Variants in GPRASP2 observed in about 807,000 individuals in gnomAD.
GPRASP2 encodes G protein-coupled receptor-associated sorting protein 2.
In GPRASP2, 10 loss-of-function variants were observed where a neutral mutation model predicts 36.0. The observed-to-expected ratio is 0.28, with a 90% CI of 0.17 to 0.47. The LOEUF (loss-of-function observed/expected upper bound fraction) is 0.47, where lower values mean the gene tolerates loss of function less well. Ranked by LOEUF, GPRASP2 falls within the 20% of genes least tolerant of loss-of-function variation. GPRASP2 has a pLI of 0.99. For synonymous variants in GPRASP2, 219 were observed against 230.5 expected (o/e 0.95, Z 0.45); for missense variants, 538 against 626.7 (o/e 0.86, Z 1.51).
chrX:102,716,248 G>A lies in GPRASP2; in HGVS notation c.1379G>A (p.Cys460Tyr). 1.7e-6 allele frequency: 2 copies of A among 1,212,124 alleles called. No individual in the cohort carries two copies. Among genetic ancestry groups the A allele is most frequent in the Non-Finnish European group, 2.2e-6 (2 of 895,646 alleles). Residue 460 changes from cysteine (C) to tyrosine (Y), a missense_variant, in exon 5 of 5, where the codon TGC (cysteine) becomes TAC (tyrosine). Physicochemically the swap from Cys to Tyr is radical, Grantham distance 194 (BLOSUM62 -2). Around this residue, in one of 2 missense-constraint regions of GPRASP2, gnomAD observed 262 missense variants for 351.7 expected, o/e 0.74. Transcript: ENST00000483720. ...TGGTTCTGGGACAGAGATGAGGCCT[G>A]CTTTGACCTAAATCCCTGTCCTGTG... ...GSWFWDRDEA[C>Y]FDLNPCPVYK... is the part of the protein sequence containing the mutation.
rs1294878288 is a variant in GPRASP2, at chrX:102,716,518, G to C, written c.1649G>C (p.Ser550Thr). 1 of 1,210,476 alleles carries C rather than the reference G, an allele frequency of 8.3e-7. No homozygotes were observed. The highest frequency in any genetic ancestry group is 1.7e-5 in the African/African-American group (1 of 57,258). The change falls in exon 5 of 5, where the codon AGT (serine) becomes ACT (threonine). Residue 550 changes from serine to threonine, a missense_variant. Physicochemically the swap from Ser to Thr is moderately conservative, Grantham distance 58. Around this residue, in one of 2 missense-constraint regions of GPRASP2, gnomAD observed 262 missense variants for 351.7 expected, o/e 0.74. Coordinates refer to ENST00000483720, the MANE Select transcript of GPRASP2 (RefSeq NM_001004051.4). ...TCTTTGCTTCAGCCTGATCAGCCTA[G>C]TCCTGAGTTCACATTTCAGTATGAT... The part of the protein sequence containing the change: ...QESLLQPDQP[S>T]PEFTFQYDPS...
rs200058769 is a variant in GPRASP2 at position 102,715,310 on chromosome X, G to T, written c.441G>T (p.Gln147His). Residue 147 changes from glutamine (Q) to histidine (H), a missense_variant, in exon 5 of 5, where the codon CAG (glutamine) becomes CAT (histidine). Around this residue, in one of 2 missense-constraint regions of GPRASP2, gnomAD observed 276 missense variants for 275.0 expected, o/e 1.00. Transcript: ENST00000483720. ...TGTCACAGGCAGAAGGAGTGTCCCA[G>T]ACTAATGCCGTTGCTTGGCCACTGG... ...EAVSQAEGVS[Q>H]TNAVAWPLAT... is the part of the protein sequence containing the mutation. 92 of 1,211,615 alleles carry T rather than the reference G, an allele frequency of 7.6e-5. 1 individual carries two copies. In the East Asian group the frequency reaches 2.0e-3, roughly 26 times the overall value.
chrX:102,717,326 T>TA lies in GPRASP2; in HGVS notation c.2459dup (p.Gln821AlafsTer11). ...CATTTCGTGAATTTGAGGAGTTAGC[T>TA]AAGCAACTACAAGCCCAAATAGACA... On this transcript the variant is annotated frameshift_variant, in exon 5 of 5. Transcript: ENST00000483720. LOFTEE classifies it high-confidence loss of function. 4.6e-6 allele frequency: 5 copies of TA among 1,096,541 alleles called. No individual in the cohort carries two copies. Among genetic ancestry groups the TA allele is most frequent in the Non-Finnish European group, 6.0e-6 (5 of 838,632 alleles). 90.4% of individuals were successfully genotyped at this position (1,096,541 alleles called of 1,213,427 possible). A position where few individuals can be genotyped will look rare whatever the true frequency, so the allele number is the denominator to read the frequency against.
Position 102,715,983 on chromosome X carries a change from A to G in GPRASP2, c.1114A>G (p.Ser372Gly). Residue 372 changes from serine (S) to glycine (G), a missense_variant, in exon 5 of 5, where the codon AGT (serine) becomes GGT (glycine). Around this residue, in one of 2 missense-constraint regions of GPRASP2, gnomAD observed 276 missense variants for 275.0 expected, o/e 1.00. Coordinates refer to ENST00000483720, the MANE Select transcript of GPRASP2 (RefSeq NM_001004051.4). ...LKLRAQKDVD[S>G]DRVKQEPRFE... ...ACTCAGGGCCCAGAAAGATGTTGAC[A>G]GTGATAGGGTCAAACAAGAACCCAG... 8.3e-7 allele frequency: 1 copy of G among 1,210,685 alleles called. No homozygotes were observed. The highest frequency in any genetic ancestry group is 1.1e-6 in the Non-Finnish European group (1 of 895,235).
rs1361338709 is a variant in GPRASP2, at chrX:102,713,276, G to A, written c.-480+59G>A. On this transcript the variant is annotated intron_variant, in intron 2 of 4. Coordinates refer to ENST00000483720, the MANE Select transcript of GPRASP2 (RefSeq NM_001004051.4). Reference sequence around the variant, plus strand: ...GATTGGGGACCCGAATCGGGGTAGGGGACTGTGACCAGAGCAAGTCAGGCA... The same window carrying A: ...GATTGGGGACCCGAATCGGGGTAGGAGACTGTGACCAGAGCAAGTCAGGCA... 3 of 111,800 alleles carry A rather than the reference G, an allele frequency of 2.7e-5. No individual in the cohort carries two copies. The East Asian group carries it at 8.5e-4, about 32-fold the overall frequency. 9.2% of individuals were successfully genotyped at this position (111,800 alleles called of 1,213,427 possible). A position where few individuals can be genotyped will look rare whatever the true frequency, so the allele number is the denominator to read the frequency against.
rs752067000 is a variant in GPRASP2 at position 102,714,682 on chromosome X, T to C, written c.-188T>C. 3.8e-5 allele frequency: 24 copies of C among 631,865 alleles called. No individual in the cohort carries two copies. The South Asian group carries it at 7.4e-4, about 19-fold the overall frequency. The allele number at this position is 631,865 out of a possible 1,213,427, so 52.1% of individuals were successfully genotyped here. ...CTATCTGTATTATTGAATTATTGACTGAGACTGTGTTTGGGAAGGAGGCTG... is the reference window on the plus strand; with the variant it reads ...CTATCTGTATTATTGAATTATTGACCGAGACTGTGTTTGGGAAGGAGGCTG... On this transcript the variant is annotated 5_prime_UTR_variant, in exon 5 of 5. Transcript: ENST00000483720.
rs1346920253 is a variant in GPRASP2 at position 102,715,373 on chromosome X, C to T, written c.504C>T (p.Gly168=). The change falls in exon 5 of 5, where the codon GGC becomes GGT. Residue 168 remains glycine (G), a synonymous_variant. Transcript: ENST00000483720. ...CTGGATCAGTTACTAAATCTAAGGGCCTGTCTATGGATAGAGAACTAGTCA... is the reference window on the plus strand; with the variant it reads ...CTGGATCAGTTACTAAATCTAAGGGTCTGTCTATGGATAGAGAACTAGTCA... ...AESGSVTKSK[G]LSMDRELVNV... The T allele has an allele frequency of 2.7e-5, 33 of 1,211,083 alleles. No individual in the cohort carries two copies. Among genetic ancestry groups the T allele is most frequent in the Non-Finnish European group, 3.7e-5 (33 of 895,485 alleles).
Position 102,713,144 on chromosome X carries a change from G to C in GPRASP2, c.-553G>C, listed in dbSNP as rs1421024837. 8.9e-6 allele frequency: 1 copy of C among 112,767 alleles called. No individual in the cohort carries two copies. Among genetic ancestry groups the C allele is most frequent in the Admixed American group, 9.3e-5 (1 of 10,796 alleles). 9.3% of individuals were successfully genotyped at this position (112,767 alleles called of 1,213,427 possible). A position where few individuals can be genotyped will look rare whatever the true frequency, so the allele number is the denominator to read the frequency against. ...CTGTGCGGTAGGTCTGGCGTATTCT[G>C]ACAGGACACAGTGAGCGTCTGTAGA... On this transcript the variant is annotated 5_prime_UTR_variant, in exon 2 of 5. Transcript: ENST00000483720.
Position 102,715,642 on chromosome X carries a change from A to G in GPRASP2, c.773A>G (p.His258Arg), listed in dbSNP as rs781145399. ...PREESNTRSR[H>R]RAKHQTNPRS... ...GAAGAGTCCAATACCAGGTCCAGGC[A>G]CAGGGCTAAACATCAGACTAATCCC... The change falls in exon 5 of 5, where the codon CAC becomes CGC. Residue 258 changes from histidine (H) to arginine (R), a missense_variant. His to Arg is a conservative substitution (Grantham distance 29, BLOSUM62 0). Coordinates refer to ENST00000483720, the MANE Select transcript of GPRASP2 (RefSeq NM_001004051.4). 1 of 1,209,713 alleles carries G rather than the reference A, an allele frequency of 8.3e-7. No individual in the cohort carries two copies. Among genetic ancestry groups the G allele is most frequent in the African/African-American group, 1.8e-5 (1 of 57,076 alleles).
At position 102,715,906 on chromosome X, in the gene GPRASP2, C is replaced by T; in HGVS notation, c.1037C>T (p.Ala346Val). ...KQSWVLPGEE[A>V]NSRFRHRDKE... ...TCCTGGGTTTTGCCTGGAGAAGAGGCCAATAGTAGATTCAGGCACAGAGAC... is the reference window on the plus strand; with the variant it reads ...TCCTGGGTTTTGCCTGGAGAAGAGGTCAATAGTAGATTCAGGCACAGAGAC... The change falls in exon 5 of 5, where the codon GCC (alanine) becomes GTC (valine). Residue 346 changes from alanine (A) to valine (V), a missense_variant. By Grantham distance (64) the Ala-to-Val change is moderately conservative. Around this residue, in one of 2 missense-constraint regions of GPRASP2, gnomAD observed 276 missense variants for 275.0 expected, o/e 1.00. Coordinates refer to ENST00000483720, the MANE Select transcript of GPRASP2 (RefSeq NM_001004051.4). The T allele has an allele frequency of 8.3e-7, 1 of 1,211,533 alleles. No homozygotes were observed. The highest frequency in any genetic ancestry group is 1.1e-6 in the Non-Finnish European group (1 of 895,478).
Position 102,715,012 on chromosome X carries a change from C to T in GPRASP2, c.143C>T (p.Ala48Val). The T allele has an allele frequency of 8.2e-7, 1 of 1,212,482 alleles. No individual in the cohort carries two copies. Among genetic ancestry groups the T allele is most frequent in the Non-Finnish European group, 1.1e-6 (1 of 895,675 alleles). The change falls in exon 5 of 5, where the codon GCA (alanine) becomes GTA (valine). Residue 48 changes from alanine to valine, a missense_variant. Around this residue, in one of 2 missense-constraint regions of GPRASP2, gnomAD observed 276 missense variants for 275.0 expected, o/e 1.00. Coordinates refer to ENST00000483720, the MANE Select transcript of GPRASP2 (RefSeq NM_001004051.4). ...GTTAGGACCCAGGCAACTACTGGGGCAAGGCCCAAAACTGAGACCAAGTCT... is the reference window on the plus strand; with the variant it reads ...GTTAGGACCCAGGCAACTACTGGGGTAAGGCCCAAAACTGAGACCAAGTCT... The part of the protein sequence containing the change: ...PKVRTQATTG[A>V]RPKTETKSVP...
rs1283396254 is a variant in GPRASP2 at position 102,717,269 on chromosome X, T to C, written c.2400T>C (p.Asp800=). 2 of 1,100,658 alleles carry C rather than the reference T, an allele frequency of 1.8e-6. No homozygotes were observed. The highest frequency in any genetic ancestry group is 2.4e-6 in the Non-Finnish European group (2 of 841,554). 90.7% of individuals were successfully genotyped at this position (1,100,658 alleles called of 1,213,427 possible). A position where few individuals can be genotyped will look rare whatever the true frequency, so the allele number is the denominator to read the frequency against. The change falls in exon 5 of 5, where the codon GAT becomes GAC. Residue 800 remains aspartate, a synonymous_variant. Transcript: ENST00000483720. ...IIKSGKMSLI[D]DDFSLEPLIS... ...AAAGTGGAAAGATGTCCTTAATTGA[T>C]GATGATTTCAGTCTTGAGCCGCTTA...
Position 102,715,331 on chromosome X carries a change from A to C in GPRASP2, c.462A>C (p.Pro154=). Residue 154 remains proline, a synonymous_variant, in exon 5 of 5, where the codon CCA becomes CCC. Transcript: ENST00000483720. ...CCCAGACTAATGCCGTTGCTTGGCC[A>C]CTGGCCACTGCTGAGTCTGGATCAG... ...GVSQTNAVAW[P]LATAESGSVT... is the part of the protein sequence containing the mutation. 8.2e-7 allele frequency: 1 copy of C among 1,212,399 alleles called. No homozygotes were observed. The highest frequency in any genetic ancestry group is 1.1e-6 in the Non-Finnish European group (1 of 895,638).
intron 1 of GPRASP2, among the ~76,000 whole-genome samples, chrX:102,712,797 G>A (rs1307503850): frequency 5.3e-5 from 6 of 112,948 alleles, no homozygotes; most frequent in African/African-American, 1.9e-4. Context: ...GTTTGGAGGA[G>A]AACCGCGCTG....
In GPRASP2 at chrX:102,716,101, C is replaced by T. The variant is rs995022893; in HGVS notation, c.1232C>T (p.Pro411Leu). 24 of 1,190,948 alleles carry T rather than the reference C, an allele frequency of 2.0e-5. No individual in the cohort carries two copies. Among genetic ancestry groups the T allele is most frequent in the Middle Eastern group, 2.4e-4 (1 of 4,243 alleles). ...GCTTCAGCAATCTGTGAATCTGAGC[C>T]AGGAACTGAGGAGGGGGCCATTGGC... is the stretch of plus-strand genomic sequence containing the variant. The part of the protein sequence containing the change: ...GGASAICESE[P>L]GTEEGAIGGS... The change falls in exon 5 of 5, where the codon CCA (proline) becomes CTA (leucine). Residue 411 changes from proline to leucine, a missense_variant. Pro to Leu is a moderately conservative substitution (Grantham distance 98). Coordinates refer to ENST00000483720, the MANE Select transcript of GPRASP2 (RefSeq NM_001004051.4).
Position 102,717,482 on chromosome X carries a change from A to G in GPRASP2, c.*96A>G. On this transcript the variant is annotated 3_prime_UTR_variant, in exon 5 of 5. Transcript: ENST00000483720. ...AGTCTGTTTTTTTGTTGTAACTTATATTTTTTAATGCTGATGTTAACTTTG... is the reference window on the plus strand; with the variant it reads ...AGTCTGTTTTTTTGTTGTAACTTATGTTTTTTAATGCTGATGTTAACTTTG... The G allele has an allele frequency of 3.1e-6, 3 of 969,920 alleles. No homozygotes were observed. Among genetic ancestry groups the G allele is most frequent in the Non-Finnish European group, 3.9e-6 (3 of 761,570 alleles). The allele number at this position is 969,920 out of a possible 1,213,427, so 79.9% of individuals were successfully genotyped here.
At position 102,715,624 on chromosome X, in the gene GPRASP2, C is replaced by T. The variant is rs1027760422; in HGVS notation, c.755C>T (p.Ser252Phe). Residue 252 changes from serine (S) to phenylalanine (F), a missense_variant, in exon 5 of 5, where the codon TCC (serine) becomes TTC (phenylalanine). This residue lies in a region of GPRASP2 where 276 missense variants were observed against 275.0 expected (regional missense o/e 1.00). Coordinates refer to ENST00000483720, the MANE Select transcript of GPRASP2 (RefSeq NM_001004051.4). Reference sequence around the variant, plus strand: ...GTCAGATCATGGCCCAGGGAAGAGTCCAATACCAGGTCCAGGCACAGGGCT... The same window carrying T: ...GTCAGATCATGGCCCAGGGAAGAGTTCAATACCAGGTCCAGGCACAGGGCT... ...TSVRSWPREE[S>F]NTRSRHRAKH... 2.5e-6 allele frequency: 3 copies of T among 1,211,558 alleles called. No individual in the cohort carries two copies. Among genetic ancestry groups the T allele is most frequent in the Admixed American group, 4.3e-5 (2 of 45,990 alleles).
At position 102,717,609 on chromosome X, in the gene GPRASP2, T is replaced by G. The variant is rs2081982927; in HGVS notation, c.*223T>G. On this transcript the variant is annotated 3_prime_UTR_variant, in exon 5 of 5. Transcript: ENST00000483720. The stretch of plus-strand genomic sequence containing the variant: ...TTGTCTTGCTGTCCAGATTGCGGTA[T>G]TTTTCAGTATTAAGTTTTCAATGAA... 4 of 440,976 alleles carry G rather than the reference T, an allele frequency of 9.1e-6. No individual in the cohort carries two copies. The East Asian group carries it at 1.6e-4, about 17-fold the overall frequency. 36.3% of individuals were successfully genotyped at this position (440,976 alleles called of 1,213,427 possible). A position where few individuals can be genotyped will look rare whatever the true frequency, so the allele number is the denominator to read the frequency against.
intron 2 of GPRASP2, among the ~76,000 whole-genome samples, chrX:102,713,481 C>T (rs1277880748): frequency 8.8e-6 from 1 of 113,170 alleles, no homozygotes; most frequent in Non-Finnish European, 1.9e-5. Flanking sequence ...ATATGCGGCG[C>T]CCTTCCCCCA....
Sources: gnomAD v4.1 joint callset for allele counts (sites outside exome capture counted in the v4.1 genomes callset) on GRCh38, gnomAD v4.1.1 for gene constraint, gnomAD v4.1.1 regional missense constraint, MANE v1.5 for transcripts, NCBI Gene and HGNC (gene_info 2026-07-23, HGNC 2026-07-21) for gene names.